Variants in ABCC4 observed in about 807,000 individuals in gnomAD.
The protein encoded by ABCC4 is ATP binding cassette subfamily C member 4 (PEL blood group).
A neutral mutation model predicts 168.5 loss-of-function variants in ABCC4; 102 were observed. That is an observed-to-expected ratio of 0.61 (90% CI 0.52 to 0.71). ABCC4 has a LOEUF of 0.71. Ranked by LOEUF, ABCC4 falls within the 30% of genes least tolerant of loss-of-function variation. ABCC4 has a pLI of 0.00. For synonymous variants in ABCC4, 617 were observed against 590.7 expected, an observed-to-expected ratio of 1.04 and a Z score of -0.65; for missense variants, 1,402 against 1,605.8, an observed-to-expected ratio of 0.87 and a Z score of 2.17.
intron 4 of ABCC4, among the ~76,000 whole-genome samples, chr13:95,218,950 A>C (rs2039216931): frequency 2.7e-5 from 1 of 37,380 alleles, no homozygotes; most frequent in Admixed American, 2.1e-4. Context: ...AGAAAGAAAG[A>C]AAGAAAGAAA....
At chr13:95,194,813 A>G (rs1181212338) in intron 9 of ABCC4, 23 bp downstream of exon 9, 6 of 1,582,132 alleles carry the variant, frequency 3.8e-6, no homozygotes, top group African/African-American at 2.7e-5. Flanking sequence ...AGCAGTCATG[A>G]TCTTGCATTA....
intron 8 of ABCC4, among the ~76,000 whole-genome samples, chr13:95,199,462 G>A (rs760204760): frequency 1.4e-4 from 21 of 152,194 alleles, no homozygotes; most frequent in Non-Finnish European, 2.1e-4. Flanking sequence ...CAGTTCTAAA[G>A]CATCCCAGTC....
At chr13:95,234,866 G>A in intron 3 of ABCC4, 32 bp from the exon 4 acceptor site, 1 of 1,399,926 alleles carries the variant, frequency 7.1e-7, no homozygotes, top group Non-Finnish European at 9.8e-7. Flanking sequence ...CCTTTAATTA[G>A]ACATACAGAC....
chr13:95,217,750 A>C (rs1459623388), intron 4 of ABCC4, among the ~76,000 whole-genome samples: 1 of 152,084 alleles, frequency 6.6e-6, no homozygotes, highest in African/African-American at 2.4e-5. Context: ...ATAAATAAAT[A>C]AAACAAAAGA....
At chr13:95,087,402 C>T (rs2034292380) in intron 20 of ABCC4, among the ~76,000 whole-genome samples, 1 of 152,070 alleles carries the variant, frequency 6.6e-6, no homozygotes, top group African/African-American at 2.4e-5. Context: ...GCCTGCAATC[C>T]CAGCTACTTG....
chr13:95,150,641 T>G (rs1238097334), intron 19 of ABCC4, among the ~76,000 whole-genome samples: 1 of 152,184 alleles, frequency 6.6e-6, no homozygotes, highest in African/African-American at 2.4e-5. Context: ...CAGTGAATCA[T>G]AGTTGAATTT....
At chr13:95,216,626 A>AAC (rs2039119558) in intron 4 of ABCC4, among the ~76,000 whole-genome samples, 1 of 150,072 alleles carries the variant, frequency 6.7e-6, no homozygotes, top group Non-Finnish European at 1.5e-5. Context: ...AAAAAAAAAA[A>AAC]AAAAAACCAG....
intron 30 of ABCC4, among the ~76,000 whole-genome samples, chr13:95,034,346 C>T (rs951867517): frequency 6.6e-6 from 1 of 152,200 alleles, no homozygotes; most frequent in Non-Finnish European, 1.5e-5. Flanking sequence ...TGGTCTAACA[C>T]CTCTCCGCTT....
chr13:95,032,104 A>G (rs1471446831), intron 30 of ABCC4, among the ~76,000 whole-genome samples: 1 of 152,198 alleles, frequency 6.6e-6, no homozygotes, highest in African/African-American at 2.4e-5. Flanking sequence ...TGTAAATTTC[A>G]AGTATAAAAG....
chr13:95,223,469 T>G (rs149972583), intron 4 of ABCC4, among the ~76,000 whole-genome samples: 44 of 152,228 alleles, frequency 2.9e-4, no homozygotes, highest in African/African-American at 1.0e-3. Context: ...AGTAAAGAGA[T>G]AGAGATTTTC....
At chr13:95,240,174 G>A (rs1293644902) in intron 3 of ABCC4, among the ~76,000 whole-genome samples, 2 of 152,238 alleles carry the variant, frequency 1.3e-5, no homozygotes, top group African/African-American at 4.8e-5. Flanking sequence ...CAAGAGGGGA[G>A]GAGGGATATG....
At chr13:95,262,900 G>A (rs988135888) in intron 1 of ABCC4, among the ~76,000 whole-genome samples, 6 of 152,156 alleles carry the variant, frequency 3.9e-5, no homozygotes, top group Admixed American at 2.0e-4. Context: ...CTCCCAAAGT[G>A]CTGGATTTAC....
intron 8 of ABCC4, among the ~76,000 whole-genome samples, chr13:95,196,626 A>G (rs1465465793): frequency 2.7e-4 from 2 of 7,302 alleles, no homozygotes; most frequent in Admixed American, 1.3e-3. Flanking sequence ...GGAAGGAAGG[A>G]AGGAAGGAAG....
intron 11 of ABCC4, among the ~76,000 whole-genome samples, chr13:95,179,130 C>A (rs2037807563): frequency 6.6e-6 from 1 of 152,304 alleles, no homozygotes; most frequent in African/African-American, 2.4e-5. Context: ...GGAGACCCAA[C>A]CGTGAGGGCT....
At chr13:95,287,790 C>G (rs1358810749) in intron 1 of ABCC4, among the ~76,000 whole-genome samples, 2 of 151,482 alleles carry the variant, frequency 1.3e-5, no homozygotes, top group Admixed American at 1.3e-4. Flanking sequence ...CACCTGTAAT[C>G]TCAGCACTTT....
intron 4 of ABCC4, among the ~76,000 whole-genome samples, chr13:95,212,578 G>C (rs2038992060): frequency 1.3e-5 from 2 of 152,298 alleles, no homozygotes; most frequent in African/African-American, 4.8e-5. Flanking sequence ...ATTTAGGTAA[G>C]ACAGCACAGA....
chr13:95,047,737 C>T (rs1265793414), intron 27 of ABCC4, among the ~76,000 whole-genome samples: 4 of 152,172 alleles, frequency 2.6e-5, no homozygotes, highest in African/African-American at 9.7e-5. Flanking sequence ...CCCGCCTCGG[C>T]CTCCCAAAGT....
intron 3 of ABCC4, among the ~76,000 whole-genome samples, chr13:95,244,042 G>T (rs1206266256): frequency 2.6e-5 from 4 of 152,122 alleles, no homozygotes; most frequent in African/African-American, 7.2e-5. Context: ...TCCCCAATCT[G>T]ATTTCCCACA....
At chr13:95,109,084 T>C (rs2139394421) in intron 20 of ABCC4, among the ~76,000 whole-genome samples, 1 of 152,310 alleles carries the variant, frequency 6.6e-6, no homozygotes, top group South Asian at 2.1e-4. Flanking sequence ...TAGAAGCTGA[T>C]ACCCAGTTAA....
Sources: allele counts gnomAD v4.1 joint callset (sites outside exome capture counted in the v4.1 genomes callset), GRCh38; gene constraint gnomAD v4.1.1; transcripts MANE v1.5; gene names NCBI Gene and HGNC (gene_info 2026-07-23, HGNC 2026-07-21).